Variants in LAMA4 observed in about 807,000 individuals in gnomAD.
LAMA4 encodes laminin subunit alpha-4.
LAMA4 carries 127 observed loss-of-function variants against 207.1 expected under a neutral mutation model. The observed-to-expected ratio is 0.61, with a 90% CI of 0.53 to 0.71. LAMA4 has a LOEUF of 0.71. Among genes scored for constraint, LAMA4 ranks in the 30% least tolerant of loss-of-function variants. The pLI is 0.00. For missense variants in LAMA4, 2,093 were observed against 2,246.5 expected (o/e 0.93, Z 1.38); for synonymous variants, 761 against 816.0 (o/e 0.93, Z 1.15).
rs1777545233 is a variant in LAMA4 at position 112,108,741 on chromosome 6, A to G, written c.*696T>C. 6.6e-6 allele frequency: 1 copy of G among 152,304 alleles called. No homozygotes were observed. The highest frequency in any genetic ancestry group is 2.1e-4 in the South Asian group (1 of 4,832). 9.4% of individuals were successfully genotyped at this position (152,304 alleles called of 1,614,324 possible). Reference sequence around the variant, plus strand: ...CATAGAACACACAATAATGGTAATAATAACCTACAGAAGCCTCCTCTCATG... The same window carrying G: ...CATAGAACACACAATAATGGTAATAGTAACCTACAGAAGCCTCCTCTCATG... On this transcript the variant is annotated 3_prime_UTR_variant, in exon 39 of 39. Transcript: ENST00000230538.
At chr6:112,152,396 A>G (rs1484398970) in intron 16 of LAMA4, among the ~76,000 whole-genome samples, 1 of 152,076 alleles carries the variant, frequency 6.6e-6, no homozygotes, top group African/African-American at 2.4e-5. Flanking sequence ...TGCTTATAAA[A>G]TTGTTCTTGA....
intron 4 of LAMA4, among the ~76,000 whole-genome samples, 161 bp downstream of exon 4, chr6:112,206,860 G>A (rs2115023239): frequency 6.6e-6 from 1 of 152,190 alleles, no homozygotes; most frequent in African/African-American, 2.4e-5. Flanking sequence ...TGGTGTATTT[G>A]GACTAGAAAC....
At chr6:112,206,721 GA>G (rs1462915033) in intron 4 of LAMA4, among the ~76,000 whole-genome samples, 1 of 152,198 alleles carries the variant, frequency 6.6e-6, no homozygotes, top group Non-Finnish European at 1.5e-5. Flanking sequence ...TCTAGGTCAA[GA>G]GAAAGTCAAG....
intron 2 of LAMA4, among the ~76,000 whole-genome samples, chr6:112,249,344 G>A (rs1468501928): frequency 6.7e-6 from 1 of 149,844 alleles, no homozygotes; most frequent in East Asian, 2.0e-4. Flanking sequence ...TTGGGAGGCT[G>A]AGGCAGGGGA....
intron 5 of LAMA4, among the ~76,000 whole-genome samples, chr6:112,200,562 A>G (rs544935665): frequency 5.3e-5 from 8 of 152,346 alleles, no homozygotes; most frequent in African/African-American, 1.9e-4. Context: ...AAATCATTCT[A>G]CTATAAAGAC....
At chr6:112,246,823 G>T (rs1786978979) in intron 2 of LAMA4, among the ~76,000 whole-genome samples, 1 of 152,058 alleles carries the variant, frequency 6.6e-6, no homozygotes, top group African/African-American at 2.4e-5. Flanking sequence ...CCCAGCTGCT[G>T]TTGGCTTTTT....
At chr6:112,120,898 C>A (rs1057066239) in intron 32 of LAMA4, among the ~76,000 whole-genome samples, 12 of 151,766 alleles carry the variant, frequency 7.9e-5, no homozygotes, top group Non-Finnish European at 1.2e-4. Flanking sequence ...ATAGTGGAAC[C>A]CCGTCTCTAC....
rs1486635917 is a variant in LAMA4 at position 112,174,464 on chromosome 6, AT to A, written c.1357+848del. Reference sequence around the variant, plus strand: ...ATGAAAGCATGAGCAATAAATGGTTATTGTTTTAAATGAATACATTTGGGGT... The same window carrying A: ...ATGAAAGCATGAGCAATAAATGGTTATGTTTTAAATGAATACATTTGGGGT... On this transcript the variant is annotated intron_variant, in intron 11 of 38. Transcript: ENST00000230538. Among the ~76,000 whole-genome samples, 5 of 152,304 alleles carry A rather than the reference AT, an allele frequency of 3.3e-5. No individual in the cohort carries two copies. In the East Asian group the frequency reaches 9.6e-4, roughly 29 times the overall value.
chr6:112,210,450 G>A (rs1784302232), intron 3 of LAMA4, among the ~76,000 whole-genome samples: 1 of 152,158 alleles, frequency 6.6e-6, no homozygotes, highest in South Asian at 2.1e-4. Flanking sequence ...TTGCAGATAA[G>A]TGTTGGGATT....
chr6:112,127,086 C>T (rs149616671), intron 31 of LAMA4, among the ~76,000 whole-genome samples: 2 of 152,140 alleles, frequency 1.3e-5, no homozygotes, highest in Admixed American at 1.3e-4. Context: ...GTTTTTGTTA[C>T]AACCCTATGA....
At chr6:112,130,302 G>T (rs908098270) in intron 29 of LAMA4, 230 of 239,966 alleles carry the variant, frequency 9.6e-4, no homozygotes, top group East Asian at 7.3e-3. Flanking sequence ...CATTATTTTT[G>T]TGTGTGTGTG....
At position 112,139,778 on chromosome 6, in the gene LAMA4, G is replaced by T. The variant is rs1554332585; in HGVS notation, c.3084C>A (p.Asp1028Glu). ...GGGCACATGGCACTGATGTGGAGGG[G>T]TCCATATTATAGATGTGCTTAAAGT... is the stretch of plus-strand genomic sequence containing the variant. ...LYNFKHIYNMDPSTSVPCARD... is the reference protein window; with the variant it reads ...LYNFKHIYNMEPSTSVPCARD... Residue 1028 changes from aspartate to glutamate, a missense_variant, in exon 23 of 39, where the codon GAC becomes GAA. This residue lies in a region of LAMA4 where 1,704 missense variants were observed against 1,788.4 expected (regional missense o/e 0.95). Coordinates refer to ENST00000230538, the MANE Select transcript of LAMA4 (RefSeq NM_001105206.3). 2 of 1,614,032 alleles carry T rather than the reference G, an allele frequency of 1.2e-6. No individual in the cohort carries two copies. The highest frequency in any genetic ancestry group is 3.3e-5 in the Admixed American group (2 of 60,018).
intron 2 of LAMA4, among the ~76,000 whole-genome samples, chr6:112,247,057 A>C (rs1787000854): frequency 6.6e-6 from 1 of 152,226 alleles, no homozygotes; most frequent in African/African-American, 2.4e-5. Context: ...TACTTTTAAC[A>C]AGATAGTGTA....
intron 31 of LAMA4, 105 bp downstream of exon 31, chr6:112,128,817 A>T: frequency 2.2e-6 from 2 of 900,292 alleles, no homozygotes; most frequent in Non-Finnish European, 3.6e-6. Context: ...TTTCCTATGT[A>T]CGTAGTTGCA....
intron 2 of LAMA4, among the ~76,000 whole-genome samples, chr6:112,252,429 G>A (rs1332647607): frequency 6.6e-6 from 1 of 151,956 alleles, no homozygotes; most frequent in Non-Finnish European, 1.5e-5. Context: ...TTTTTTTTGT[G>A]GGATGAGAGT....
intron 19 of LAMA4, among the ~76,000 whole-genome samples, chr6:112,142,830 T>C (rs908258468): frequency 6.6e-6 from 1 of 152,320 alleles, no homozygotes; most frequent in Non-Finnish European, 1.5e-5. Context: ...TTCCTAACTA[T>C]GTAACCTTGA....
chr6:112,137,738 T>G (rs1436301385), intron 24 of LAMA4, among the ~76,000 whole-genome samples: 4 of 152,232 alleles, frequency 2.6e-5, no homozygotes, highest in Non-Finnish European at 5.9e-5. Context: ...ACACAGATAT[T>G]TGCTGGCTAC....
chr6:112,240,897 G>T (rs1554187504), intron 2 of LAMA4, among the ~76,000 whole-genome samples: 1 of 151,320 alleles, frequency 6.6e-6, no homozygotes, highest in Non-Finnish European at 1.5e-5. Context: ...TTTTTTTCAG[G>T]TTATATACCC....
rs1266934012 is a variant in LAMA4, at chr6:112,121,758, G to A, written c.4475+256C>T. 7 of 409,158 alleles carry A rather than the reference G, an allele frequency of 1.7e-5. No individual in the cohort carries two copies. The East Asian group carries it at 3.6e-4, about 21-fold the overall frequency. 25.3% of individuals were successfully genotyped at this position (409,158 alleles called of 1,614,324 possible). A position where few individuals can be genotyped will look rare whatever the true frequency, so the allele number is the denominator to read the frequency against. On this transcript the variant is annotated intron_variant, in intron 32 of 38. Coordinates refer to ENST00000230538, the MANE Select transcript of LAMA4 (RefSeq NM_001105206.3). ...AAACTTGCTCCATCTTCCTTTCCTT[G>A]ATTGTCTTTTCTTTTTGATCAAATA... is the stretch of plus-strand genomic sequence containing the variant.
Sources: gnomAD v4.1 joint callset for allele counts (sites outside exome capture counted in the v4.1 genomes callset) on GRCh38, gnomAD v4.1.1 for gene constraint, gnomAD v4.1.1 regional missense constraint, MANE v1.5 for transcripts, NCBI Gene and HGNC (gene_info 2026-07-23, HGNC 2026-07-21) for gene names.